Variants in ZC3H11A observed in about 807,000 individuals in gnomAD.
ZC3H11A encodes the protein zinc finger CCCH-type containing 11A.
In ZC3H11A, 22 loss-of-function variants were observed where a neutral mutation model predicts 90.8. The ratio of observed to expected loss-of-function variants is 0.24; its 90% CI spans 0.17 to 0.35. The LOEUF (loss-of-function observed/expected upper bound fraction) is 0.35, where lower values mean the gene tolerates loss of function less well. Ranked by LOEUF, ZC3H11A falls within the 10% of genes least tolerant of loss-of-function variation. The pLI is 1.00. For missense variants in ZC3H11A, 701 were observed against 964.9 expected (o/e 0.73, Z 3.62); for synonymous variants, 294 against 339.8 (o/e 0.87, Z 1.48).
intron 3 of ZC3H11A, among the ~76,000 whole-genome samples, chr1:203,818,119 CAGT>C (rs2102789898): frequency 1.3e-5 from 2 of 152,234 alleles, no homozygotes; most frequent in South Asian, 2.1e-4. Flanking sequence ...GTTTGCACAA[CAGT>C]AGCGTTTTAT....
At chr1:203,842,924 CTTTTTT>C (rs35820616) in intron 12 of ZC3H11A, among the ~76,000 whole-genome samples, 1 of 146,712 alleles carries the variant, frequency 6.8e-6, no homozygotes, top group South Asian at 2.1e-4. Flanking sequence ...AGCCTTCCGT[CTTTTTT>C]TTTTTAATAC....
At chr1:203,816,586 A>C (rs1479951175) in intron 2 of ZC3H11A, among the ~76,000 whole-genome samples, 1 of 152,162 alleles carries the variant, frequency 6.6e-6, no homozygotes. Flanking sequence ...AGCTGTGATC[A>C]CATCATTGCA....
intron 9 of ZC3H11A, among the ~76,000 whole-genome samples, chr1:203,832,059 T>G (rs1192904087): frequency 1.3e-5 from 2 of 152,160 alleles, no homozygotes; most frequent in Non-Finnish European, 2.9e-5. Flanking sequence ...ATAATAAAGT[T>G]TTTTATTTAT....
chr1:203,829,352 A>T, intron 5 of ZC3H11A, 99 bp from the exon 6 acceptor site: 1 of 1,212,422 alleles, frequency 8.2e-7, no homozygotes, highest in Middle Eastern at 1.9e-4. Context: ...AAATGCTCAT[A>T]AGACAAATAC....
chr1:203,840,401 G>T, intron 12 of ZC3H11A, 27 bp downstream of exon 12: 1 of 1,597,824 alleles, frequency 6.3e-7, no homozygotes, highest in Non-Finnish European at 8.5e-7. Flanking sequence ...ACCAGATTCT[G>T]ATTATTTTTT....
intron 10 of ZC3H11A, among the ~76,000 whole-genome samples, chr1:203,836,207 A>G (rs1051420544): frequency 6.6e-6 from 1 of 152,178 alleles, no homozygotes; most frequent in African/African-American, 2.4e-5. Context: ...ACATAGCAAG[A>G]CCCTGTCTCT....
rs773011930 is a variant in ZC3H11A at position 203,829,888 on chromosome 1, T to G, written c.611T>G (p.Ile204Arg). ...TCTGTCCGGAAACCTGCAGTCAATA[T>G]AAAGCAAGGTAAGAAGAGGCTAGAT... ...VTSVRKPAVN[I>R]KQGECLNFGI... is the part of the protein sequence containing the mutation. Residue 204 changes from isoleucine to arginine, a missense_variant, in exon 7 of 18, where the codon ATA (isoleucine) becomes AGA (arginine). Physicochemically the swap from Ile to Arg is moderately conservative, Grantham distance 97. Transcript: ENST00000367210. 14 of 1,613,742 alleles carry G rather than the reference T, an allele frequency of 8.7e-6. No homozygotes were observed. In the Admixed American group the frequency reaches 1.3e-4, roughly 15 times the overall value.
At chr1:203,796,213 T>C (rs2102318683) in intron 1 of ZC3H11A, 1 of 390,010 alleles carries the variant, frequency 2.6e-6, no homozygotes, top group Non-Finnish European at 4.5e-6. Context: ...ACAGTTTCTC[T>C]AGTTGAGCGG....
At chr1:203,843,308 G>A (rs1028412321) in intron 12 of ZC3H11A, among the ~76,000 whole-genome samples, 4 of 152,012 alleles carry the variant, frequency 2.6e-5, no homozygotes, top group African/African-American at 9.7e-5. Context: ...TGAATCTAAA[G>A]ATTTGTCTTT....
chr1:203,800,594 T>C lies in ZC3H11A; in HGVS notation c.-1587-981T>C. On this transcript the variant is annotated intron_variant, in intron 1 of 17. Transcript: ENST00000367210. ...CCTGAAATCACACAAGGGCTGAAAA[T>C]TCCTCAGAGGCAATATAATTTTGAT... The C allele has an allele frequency of 4.1e-6, 3 of 726,556 alleles. No homozygotes were observed. The South Asian group carries it at 9.3e-5, about 23-fold the overall frequency. 45.0% of individuals were successfully genotyped at this position (726,556 alleles called of 1,614,324 possible). A position where few individuals can be genotyped will look rare whatever the true frequency, so the allele number is the denominator to read the frequency against.
chr1:203,819,617 C>T (rs1485362500), intron 4 of ZC3H11A, among the ~76,000 whole-genome samples: 4 of 144,624 alleles, frequency 2.8e-5, no homozygotes, highest in African/African-American at 7.8e-5. Context: ...TTAGTGCAAC[C>T]TCCACCTCCC....
intron 15 of ZC3H11A, 113 bp from the exon 16 acceptor site, chr1:203,850,402 A>C (rs1688983612): frequency 6.9e-7 from 1 of 1,458,442 alleles, no homozygotes; most frequent in South Asian, 1.1e-5. Context: ...TTTTTAAATG[A>C]ATTATTTGTG....
chr1:203,841,842 A>T lies in ZC3H11A; in HGVS notation c.1042+1468A>T, dbSNP rs902482180. Among the ~76,000 whole-genome samples, 13 of 150,754 alleles carry T rather than the reference A, an allele frequency of 8.6e-5. 1 individual carries two copies. The highest frequency in any genetic ancestry group is 1.9e-4 in the Non-Finnish European group (13 of 67,718). On this transcript the variant is annotated intron_variant, in intron 12 of 17. Coordinates refer to ENST00000367210, the MANE Select transcript of ZC3H11A (RefSeq NM_001376342.1). ...GGCGGAGGGGCTCCTCACTTCGCAG[A>T]CGGGGCGGCTGCCGGGCGGAGGGGC... is the stretch of plus-strand genomic sequence containing the variant.
intron 4 of ZC3H11A, among the ~76,000 whole-genome samples, chr1:203,822,923 T>TA (rs768942367): frequency 2.6e-5 from 4 of 152,230 alleles, no homozygotes; most frequent in Admixed American, 6.5e-5. Context: ...TGAGACTAAA[T>TA]ATGCAGTTCA....
At chr1:203,839,530 C>T (rs994521065) in intron 11 of ZC3H11A, among the ~76,000 whole-genome samples, 1 of 152,114 alleles carries the variant, frequency 6.6e-6, no homozygotes, top group African/African-American at 2.4e-5. Flanking sequence ...TTTCCCCTTG[C>T]CCAAGGGACT....
At chr1:203,833,380 A>C (rs1442390960) in intron 9 of ZC3H11A, among the ~76,000 whole-genome samples, 44 of 119,816 alleles carry the variant, frequency 3.7e-4, no homozygotes, top group African/African-American at 8.1e-4. Flanking sequence ...AAAAAAAAAA[A>C]AAAACACCAG....
At chr1:203,835,558 C>G (rs1250784110) in intron 10 of ZC3H11A, 1 of 168,088 alleles carries the variant, frequency 5.9e-6, no homozygotes, top group Non-Finnish European at 1.4e-5. Flanking sequence ...CGCAAATCCA[C>G]TTTTACTGAC....
rs1689560531 is a variant in ZC3H11A, at chr1:203,852,730, G to GT, written c.*335dup. 1 of 308,250 alleles carries GT rather than the reference G, an allele frequency of 3.2e-6. No individual in the cohort carries two copies. Among genetic ancestry groups the GT allele is most frequent in the Non-Finnish European group, 6.0e-6 (1 of 165,306 alleles). 19.1% of individuals were successfully genotyped at this position (308,250 alleles called of 1,614,324 possible). ...TAGTGACTCCTTGAGGTGTTTGTCA[G>GT]TTTTGGCTTTTTTCTTCTTTGTTGT... On this transcript the variant is annotated 3_prime_UTR_variant, in exon 18 of 18. Coordinates refer to ENST00000367210, the MANE Select transcript of ZC3H11A (RefSeq NM_001376342.1).
chr1:203,799,919 C>G, intron 1 of ZC3H11A: 2 of 1,536,102 alleles, frequency 1.3e-6, no homozygotes, highest in Middle Eastern at 1.7e-4. Flanking sequence ...CAGAAGAGGT[C>G]TGTAATTATA....
Sources: allele counts gnomAD v4.1 joint callset (sites outside exome capture counted in the v4.1 genomes callset), GRCh38; gene constraint gnomAD v4.1.1; transcripts MANE v1.5; gene names NCBI Gene and HGNC (gene_info 2026-07-23, HGNC 2026-07-21).